MOXD1: variants seen among roughly 807,000 people sequenced by gnomAD.
MOXD1 encodes the protein DBH-like monooxygenase protein 1.
Under a neutral mutation model 66.6 loss-of-function variants are expected in MOXD1, and 62 were observed. The observed-to-expected ratio is 0.93, with a 90% CI of 0.76 to 1.15. The LOEUF is 1.15. Ranked by LOEUF, MOXD1 falls within the 50% of genes most tolerant of loss-of-function variation. MOXD1 has a pLI of 0.00. For missense variants in MOXD1, 847 were observed against 754.6 expected (o/e 1.12, Z -1.44); for synonymous variants, 303 against 281.9 (o/e 1.07, Z -0.75).
intron 4 of MOXD1, among the ~76,000 whole-genome samples, chr6:132,362,623 T>C (rs17061202): frequency 0.24 from 36,086 of 152,094 alleles, 4,845 homozygotes; most frequent in African/African-American, 0.37. Context: ...TTTCTTCTCA[T>C]GAGTAGCTTT....
At chr6:132,323,890 A>C (rs777871154) in intron 7 of MOXD1, 41 bp downstream of exon 7, 1 of 1,514,238 alleles carries the variant, frequency 6.6e-7, no homozygotes. Flanking sequence ...AAGAGCATTG[A>C]TGAATCTGCA....
intron 1 of MOXD1, among the ~76,000 whole-genome samples, chr6:132,379,154 G>A (rs1776459246): frequency 2.0e-5 from 3 of 151,316 alleles, no homozygotes; most frequent in African/African-American, 2.4e-5. Flanking sequence ...GCAAATAGAA[G>A]CCAGCAACAT....
intron 10 of MOXD1, among the ~76,000 whole-genome samples, chr6:132,309,327 C>T (rs182037265): frequency 6.6e-6 from 1 of 152,150 alleles, no homozygotes; most frequent in Non-Finnish European, 1.5e-5. Context: ...TGTGAAGGAC[C>T]TCTTTAAGGA....
intron 1 of MOXD1, 49 bp downstream of exon 1, chr6:132,401,114 G>A (rs1482805859): frequency 4.1e-6 from 6 of 1,446,390 alleles, no homozygotes; most frequent in South Asian, 2.8e-5. Flanking sequence ...TCTGGGGTCC[G>A]GACGGGACCG....
chr6:132,305,971 C>T (rs1231520687), intron 10 of MOXD1, among the ~76,000 whole-genome samples: 3 of 152,060 alleles, frequency 2.0e-5, no homozygotes, highest in Admixed American at 1.3e-4. Flanking sequence ...CAAATGATTG[C>T]AACATCGCTC....
chr6:132,401,307 GC>G lies in MOXD1; in HGVS notation c.119del (p.Gly40AlafsTer59). On this transcript the variant is annotated frameshift_variant, in exon 1 of 12. Coordinates refer to ENST00000367963, the MANE Select transcript of MOXD1 (RefSeq NM_015529.4). LOFTEE classifies it high-confidence loss of function. ...LLDSEGKYWL[G>X]WSQRGSQIAF... ...CGATCTGGCTGCCCCGCTGGCTCCAGCCCAGCCAGTACTTGCCCTCCGAGTC... is the reference window on the plus strand; with the variant it reads ...CGATCTGGCTGCCCCGCTGGCTCCAGCCAGCCAGTACTTGCCCTCCGAGTC... 1.3e-6 allele frequency: 2 copies of G among 1,594,732 alleles called. No homozygotes were observed. Among genetic ancestry groups the G allele is most frequent in the South Asian group, 1.1e-5 (1 of 89,192 alleles).
At chr6:132,323,430 G>A (rs1170827922) in intron 7 of MOXD1, among the ~76,000 whole-genome samples, 1 of 152,080 alleles carries the variant, frequency 6.6e-6, no homozygotes, top group East Asian at 1.9e-4. Flanking sequence ...TATGATCCAT[G>A]TTGAAATATT....
At chr6:132,328,187 G>T (rs1775230619) in intron 5 of MOXD1, 72 bp from the exon 6 acceptor site, 4 of 1,361,024 alleles carry the variant, frequency 2.9e-6, no homozygotes, top group African/African-American at 2.9e-5. Context: ...TCAAAAACCA[G>T]CCATCTTCAA....
At chr6:132,335,757 C>A (rs1008698046) in intron 4 of MOXD1, among the ~76,000 whole-genome samples, 2 of 152,164 alleles carry the variant, frequency 1.3e-5, no homozygotes, top group South Asian at 4.1e-4. Flanking sequence ...CAATTTTCTA[C>A]CACAAACTAA....
At chr6:132,317,952 T>C (rs945974873) in intron 9 of MOXD1, among the ~76,000 whole-genome samples, 1 of 152,126 alleles carries the variant, frequency 6.6e-6, no homozygotes, top group African/African-American at 2.4e-5. Flanking sequence ...TATCACACTA[T>C]ATATATTCTG....
chr6:132,386,928 C>T (rs528888539), intron 1 of MOXD1, among the ~76,000 whole-genome samples: 1 of 151,308 alleles, frequency 6.6e-6, no homozygotes, highest in African/African-American at 2.4e-5. Context: ...ACTAATCCAC[C>T]TTTCCTGAGC....
At chr6:132,384,276 T>C (rs572399764) in intron 1 of MOXD1, among the ~76,000 whole-genome samples, 1 of 95,254 alleles carries the variant, frequency 1.0e-5, no homozygotes, top group African/African-American at 3.9e-5. Context: ...CTTCCTTCCT[T>C]CCTTCCTTCC....
At chr6:132,401,026 G>T in intron 1 of MOXD1, 137 bp downstream of exon 1, 1 of 1,155,694 alleles carries the variant, frequency 8.7e-7, no homozygotes, top group Non-Finnish European at 1.1e-6. Flanking sequence ...AGGCGAGAGT[G>T]AGCGTGGCCG....
chr6:132,346,917 G>A (rs1237061792), intron 4 of MOXD1, among the ~76,000 whole-genome samples: 2 of 152,108 alleles, frequency 1.3e-5, no homozygotes, highest in Admixed American at 1.3e-4. Flanking sequence ...TTTACTAAAC[G>A]CTATAAGAAA....
intron 1 of MOXD1, chr6:132,391,998 G>A: frequency 1.8e-6 from 1 of 564,028 alleles, no homozygotes; most frequent in Non-Finnish European, 3.0e-6. Context: ...GGAAATTGGG[G>A]GGCATAATCT....
At chr6:132,326,610 A>G (rs1370072084) in intron 6 of MOXD1, among the ~76,000 whole-genome samples, 1 of 152,158 alleles carries the variant, frequency 6.6e-6, no homozygotes, top group Non-Finnish European at 1.5e-5. Flanking sequence ...TTTATGTTTT[A>G]TAGTCACATA....
intron 9 of MOXD1, among the ~76,000 whole-genome samples, chr6:132,318,569 A>G (rs892546858): frequency 1.3e-5 from 2 of 152,048 alleles, no homozygotes; most frequent in African/African-American, 2.4e-5. Context: ...GCTAGATACT[A>G]ATGTCCTGTT....
In MOXD1 at chr6:132,372,617, A is replaced by G. The variant is rs756375067; in HGVS notation, c.654T>C (p.His218=). The change falls in exon 4 of 12, where the codon CAT becomes CAC. Residue 218 remains histidine, a synonymous_variant. Coordinates refer to ENST00000367963, the MANE Select transcript of MOXD1 (RefSeq NM_015529.4). ...TGAATGAGTCACATACCTTTATTAC[A>G]TGATGCTTTTCTTGGAACACAGGAA... ...FKIPVFQEKH[H]VIKVEPVIQR... 1 of 1,612,420 alleles carries G rather than the reference A, an allele frequency of 6.2e-7. No individual in the cohort carries two copies. The highest frequency in any genetic ancestry group is 1.1e-5 in the South Asian group (1 of 91,038).
At chr6:132,307,056 A>G (rs1383699469) in intron 10 of MOXD1, among the ~76,000 whole-genome samples, 3 of 152,230 alleles carry the variant, frequency 2.0e-5, no homozygotes, top group South Asian at 2.1e-4. Flanking sequence ...AAAGGCCCCA[A>G]TTAAAAGACA....
Sources: gnomAD v4.1 joint callset for allele counts (sites outside exome capture counted in the v4.1 genomes callset) on GRCh38, gnomAD v4.1.1 for gene constraint, MANE v1.5 for transcripts, NCBI Gene and HGNC (gene_info 2026-07-23, HGNC 2026-07-21) for gene names.